The following DNAH6 variants were observed in gnomAD, a reference collection of about 807,000 sequenced individuals.
DNAH6 encodes the protein dynein axonemal heavy chain 6.
A neutral mutation model predicts 491.4 loss-of-function variants in DNAH6; 340 were observed. The ratio of observed to expected loss-of-function variants is 0.69; its 90% CI spans 0.63 to 0.76. The LOEUF (loss-of-function observed/expected upper bound fraction) is 0.76, where lower values mean the gene tolerates loss of function less well. DNAH6 is among the 30% of genes least tolerant of loss of function. DNAH6 has a pLI of 0.00. For synonymous variants in DNAH6, 1,603 were observed against 1,686.1 expected (o/e 0.95, Z 1.21); for missense variants, 4,443 against 4,972.2 (o/e 0.89, Z 3.20).
rs1417900593 is a variant in DNAH6, at chr2:84,688,578, T to C, written c.7277T>C (p.Ile2426Thr). 6.5e-7 allele frequency: 1 copy of C among 1,541,362 alleles called. No individual in the cohort carries two copies. The highest frequency in any genetic ancestry group is 1.4e-5 in the African/African-American group (1 of 72,416). The stretch of plus-strand genomic sequence containing the variant: ...AAGTTGGTGTTCTTCCAGGATGCTA[T>C]AGAACATGTTTCAAGGTATAGTGCT... ...EVKLVFFQDA[I>T]EHVSRIARMI... is the part of the protein sequence containing the mutation. Residue 2426 changes from isoleucine to threonine, a missense_variant, in exon 45 of 77, where the codon ATA becomes ACA. By Grantham distance (89) the Ile-to-Thr change is moderately conservative. Coordinates refer to ENST00000389394, the MANE Select transcript of DNAH6 (RefSeq NM_001370.2).
intron 30 of DNAH6, 81 bp from the exon 31 acceptor site, chr2:84,637,129 G>A: frequency 8.1e-7 from 1 of 1,227,258 alleles, no homozygotes. Flanking sequence ...CATTACATGA[G>A]TCTTGTATTC....
the DNAH6 span, among the ~76,000 whole-genome samples, chr2:84,487,685 T>C: frequency 2.0e-5 from 3 of 152,214 alleles, no homozygotes; most frequent in Admixed American, 2.0e-4. Context: ...TGCCTGTGAA[T>C]AGGGGCCTAA....
intron 72 of DNAH6, among the ~76,000 whole-genome samples, chr2:84,809,304 G>A (rs150363891): frequency 6.6e-6 from 1 of 152,270 alleles, no homozygotes; most frequent in African/African-American, 2.4e-5. Context: ...CAAGACTTGG[G>A]GATAAGATTG....
intron 62 of DNAH6, among the ~76,000 whole-genome samples, chr2:84,739,638 G>A (rs1175972091): frequency 3.3e-5 from 5 of 152,166 alleles, no homozygotes; most frequent in African/African-American, 7.2e-5. Context: ...CTAGTCTGTT[G>A]TTAAGGCTTC....
chr2:84,796,949 AT>A (rs1265902270), intron 69 of DNAH6, among the ~76,000 whole-genome samples: 3 of 152,220 alleles, frequency 2.0e-5, no homozygotes, highest in African/African-American at 7.2e-5. Context: ...GAGATAGTTT[AT>A]TATGAGTCAG....
rs182229222 is a variant in DNAH6, at chr2:84,531,311, C to A, written c.662+2145C>A. On this transcript the variant is annotated intron_variant, in intron 4 of 76. Coordinates refer to ENST00000389394, the MANE Select transcript of DNAH6 (RefSeq NM_001370.2). ...CTTTCGTTTAGTGATTTGGGGGCCT[C>A]AAGATTTATTTTCCTTTTTTTTTTT... 2.4e-3 allele frequency among the ~76,000 whole-genome samples: 357 copies of A among 150,444 alleles called. 136 individuals carry two copies. Among genetic ancestry groups the A allele is most frequent in the African/African-American group, 8.5e-3 (347 of 40,812 alleles).
chr2:84,754,270 C>T (rs1673779676), intron 63 of DNAH6, among the ~76,000 whole-genome samples: 1 of 152,092 alleles, frequency 6.6e-6, no homozygotes, highest in African/African-American at 2.4e-5. Flanking sequence ...ACCTCCACCT[C>T]CTGGGTTCAA....
chr2:84,507,255 G>A, the DNAH6 span, among the ~76,000 whole-genome samples: 1 of 152,154 alleles, frequency 6.6e-6, no homozygotes, highest in Non-Finnish European at 1.5e-5. Flanking sequence ...GCAGTGGTTT[G>A]TAGTTCTTCT....
At chr2:84,499,577 A>G in the DNAH6 span, among the ~76,000 whole-genome samples, 1 of 152,210 alleles carries the variant, frequency 6.6e-6, no homozygotes, top group Non-Finnish European at 1.5e-5. Flanking sequence ...TTGCTGGAGC[A>G]TATGTTAGCT....
intron 62 of DNAH6, among the ~76,000 whole-genome samples, chr2:84,734,227 G>T (rs1418055368): frequency 6.8e-6 from 1 of 147,184 alleles, no homozygotes; most frequent in Non-Finnish European, 1.5e-5. Flanking sequence ...CTCACTGCAA[G>T]CTCCGCCTCC....
intron 23 of DNAH6, 108 bp downstream of exon 23, chr2:84,617,090 A>C: frequency 1.6e-6 from 1 of 612,888 alleles, no homozygotes; most frequent in South Asian, 2.4e-5. Context: ...AGAGAAACAA[A>C]AAAGATCTAC....
chr2:84,797,614 C>T lies in DNAH6; in HGVS notation c.11437C>T (p.Pro3813Ser). 11 of 1,551,424 alleles carry T rather than the reference C, an allele frequency of 7.1e-6. No individual in the cohort carries two copies. Among genetic ancestry groups the T allele is most frequent in the Non-Finnish European group, 9.6e-6 (11 of 1,146,756 alleles). The change falls in exon 70 of 77, where the codon CCA becomes TCA. Residue 3813 changes from proline to serine, a missense_variant. Pro to Ser is a moderately conservative substitution (Grantham distance 74). Transcript: ENST00000389394. The stretch of plus-strand genomic sequence containing the variant: ...TGAAAATCTGCCTTTGATCGATGAC[C>T]CAGAAATTTTTGGAATGCATGAAAA... ...YIENLPLIDD[P>S]EIFGMHENAN...
intron 63 of DNAH6, among the ~76,000 whole-genome samples, chr2:84,747,022 T>A (rs952431096): frequency 1.2e-4 from 18 of 152,310 alleles, no homozygotes; most frequent in African/African-American, 4.1e-4. Context: ...TCCATCTCCA[T>A]GACTCAAACA....
intron 11 of DNAH6, 98 bp downstream of exon 11, chr2:84,558,033 T>A: frequency 1.2e-6 from 1 of 809,216 alleles, no homozygotes; most frequent in Non-Finnish European, 1.8e-6. Context: ...ATGTTCTACA[T>A]GTGAAAATTG....
intron 4 of DNAH6, among the ~76,000 whole-genome samples, chr2:84,539,305 C>T (rs981953110): frequency 6.6e-6 from 1 of 152,108 alleles, no homozygotes; most frequent in African/African-American, 2.4e-5. Context: ...CCCTACCCTT[C>T]CTTCAAACAC....
chr2:84,809,848 C>T (rs1051588910), intron 72 of DNAH6, among the ~76,000 whole-genome samples: 3 of 152,122 alleles, frequency 2.0e-5, no homozygotes, highest in Non-Finnish European at 2.9e-5. Flanking sequence ...AAAGCAGCTT[C>T]CTTATAAAAA....
At chr2:84,706,186 G>A (rs2104848839) in intron 52 of DNAH6, among the ~76,000 whole-genome samples, 1 of 152,314 alleles carries the variant, frequency 6.6e-6, no homozygotes, top group African/African-American at 2.4e-5. Flanking sequence ...TGAAAGAACT[G>A]TGGCTATAGA....
intron 30 of DNAH6, among the ~76,000 whole-genome samples, chr2:84,635,069 G>A (rs559259664): frequency 2.0e-5 from 3 of 152,114 alleles, no homozygotes; most frequent in Non-Finnish European, 4.4e-5. Context: ...TTTCGGAAGA[G>A]CCCCAGACGT....
intron 33 of DNAH6, among the ~76,000 whole-genome samples, chr2:84,652,242 T>C (rs531318255): frequency 1.3e-5 from 2 of 152,200 alleles, no homozygotes; most frequent in East Asian, 3.9e-4. Context: ...TACCCTTTTA[T>C]ATTAACATAA....
Sources: gnomAD v4.1 joint callset for allele counts (sites outside exome capture counted in the v4.1 genomes callset) on GRCh38, gnomAD v4.1.1 for gene constraint, MANE v1.5 for transcripts, NCBI Gene and HGNC (gene_info 2026-07-23, HGNC 2026-07-21) for gene names.